The following SPATA20 variants were observed in gnomAD, a reference collection of about 807,000 sequenced individuals.
The protein encoded by SPATA20 is spermatogenesis-associated protein 20.
A neutral mutation model predicts 98.9 loss-of-function variants in SPATA20; 74 were observed. The observed-to-expected ratio is 0.75, with a 90% confidence interval of 0.62 to 0.91. SPATA20 has a LOEUF of 0.91. Ranked by LOEUF, SPATA20 falls within the 40% of genes least tolerant of loss-of-function variation. The pLI is 0.00. For missense variants in SPATA20, 1,016 were observed against 1,069.8 expected (o/e 0.95, Z 0.70); for synonymous variants, 430 against 440.5 (o/e 0.98, Z 0.30).
chr17:50,552,202 G>A (rs776934973), intron 14 of SPATA20, 22 bp downstream of exon 14: 1 of 1,608,570 alleles, frequency 6.2e-7, no homozygotes, highest in Non-Finnish European at 8.5e-7. Context: ...TGCAGGGCTA[G>A]TCTGGGGTCC....
rs2034988622 is a variant in SPATA20, at chr17:50,550,190, A to G, written c.994-18A>G. 1.2e-6 allele frequency: 2 copies of G among 1,612,550 alleles called. No homozygotes were observed. The highest frequency in any genetic ancestry group is 1.7e-6 in the Non-Finnish European group (2 of 1,179,782). Reference sequence around the variant, plus strand: ...GGGGCAGAAGCTGGGACTGGCCTCCAGCTTTGTATCCGCACAGGGCTTTCA... The same window carrying G: ...GGGGCAGAAGCTGGGACTGGCCTCCGGCTTTGTATCCGCACAGGGCTTTCA... On this transcript the variant is annotated intron_variant, in intron 8 of 16. Coordinates refer to ENST00000006658, the MANE Select transcript of SPATA20 (RefSeq NM_022827.4).
At chr17:50,555,017 T>C (rs1369885748) in intron 15 of SPATA20, among the ~76,000 whole-genome samples, 2 of 151,968 alleles carry the variant, frequency 1.3e-5, no homozygotes, top group African/African-American at 2.4e-5. Flanking sequence ...TACCATTGTG[T>C]ATATGTATGA....
rs1359396256 is a variant in SPATA20, at chr17:50,551,112, G to A, written c.1498G>A (p.Gly500Arg). 6.2e-7 allele frequency: 1 copy of A among 1,612,800 alleles called. No individual in the cohort carries two copies. Among genetic ancestry groups the A allele is most frequent in the South Asian group, 1.1e-5 (1 of 91,064 alleles). The change falls in exon 12 of 17, where the codon GGG (glycine) becomes AGG (arginine). Residue 500 changes from glycine to arginine, a missense_variant. By Grantham distance (125) the Gly-to-Arg change is moderately radical (BLOSUM62 -2). Coordinates refer to ENST00000006658, the MANE Select transcript of SPATA20 (RefSeq NM_022827.4). ...GGCCGTGCGGACCTTGCTCAATTCA[G>A]GGCTGGAGAAGCTCTTCCAGGCCCG... ...VEAVRTLLNS[G>R]LEKLFQARKH...
chr17:50,555,782 C>T lies in SPATA20; in HGVS notation c.*120C>T. 1 of 824,290 alleles carries T rather than the reference C, an allele frequency of 1.2e-6. No individual in the cohort carries two copies. 51.1% of individuals were successfully genotyped at this position (824,290 alleles called of 1,614,324 possible). A position where few individuals can be genotyped will look rare whatever the true frequency, so the allele number is the denominator to read the frequency against. On this transcript the variant is annotated 3_prime_UTR_variant, in exon 17 of 17. Transcript: ENST00000006658. ...CCTGAGCACCCTGCCACCAGGTGACCTCGGCCATACTCACTGCCCCCCTTG... is the reference window on the plus strand; with the variant it reads ...CCTGAGCACCCTGCCACCAGGTGACTTCGGCCATACTCACTGCCCCCCTTG...
intron 14 of SPATA20, among the ~76,000 whole-genome samples, chr17:50,552,771 C>T (rs555186512): frequency 1.3e-5 from 2 of 152,078 alleles, no homozygotes; most frequent in African/African-American, 4.8e-5. Context: ...CCAGGCTGGT[C>T]TGAAACTACT....
intron 14 of SPATA20, among the ~76,000 whole-genome samples, chr17:50,553,254 A>G (rs959138175): frequency 6.6e-6 from 1 of 152,186 alleles, no homozygotes; most frequent in African/African-American, 2.4e-5. Context: ...TGGTTCTGGC[A>G]CATTGTAAGT....
At position 50,548,558 on chromosome 17, in the gene SPATA20, C is replaced by G. The variant is rs573597278; in HGVS notation, c.301C>G (p.Pro101Ala). ...GCCCCACCCTGCTGGGTCTAGGTAC[C>G]CCTGGGGACAGGAAGCCTTCGACAA... ...QHAYNPVDWY[P>A]WGQEAFDKAR... The change falls in exon 4 of 17, where the codon CCC (proline) becomes GCC (alanine). Residue 101 changes from proline to alanine, a missense_variant. By Grantham distance (27) the Pro-to-Ala change is conservative. Coordinates refer to ENST00000006658, the MANE Select transcript of SPATA20 (RefSeq NM_022827.4). 6.2e-7 allele frequency: 1 copy of G among 1,613,728 alleles called. No individual in the cohort carries two copies. The highest frequency in any genetic ancestry group is 1.1e-5 in the South Asian group (1 of 91,070).
intron 1 of SPATA20, 67 bp from the exon 2 acceptor site, chr17:50,547,653 T>C (rs2034935526): frequency 1.3e-6 from 1 of 779,464 alleles, no homozygotes; most frequent in South Asian, 1.3e-5. Flanking sequence ...GCATGGACCT[T>C]TCGTTATTTA....
At chr17:50,547,624 G>T (rs1278252833) in intron 1 of SPATA20, 96 bp from the exon 2 acceptor site, 1 of 766,650 alleles carries the variant, frequency 1.3e-6, no homozygotes, top group Admixed American at 1.8e-5. Flanking sequence ...CCTGTGCCCT[G>T]TCACAGTCCT....
At position 50,548,357 on chromosome 17, in the gene SPATA20, G is replaced by A; in HGVS notation, c.200G>A (p.Gly67Glu). ...GTGCCCATGCCTGCTGGAGGGAAAGGAAGCCATCCTTCATCTACACCCCAG... is the reference window on the plus strand; with the variant it reads ...GTGCCCATGCCTGCTGGAGGGAAAGAAAGCCATCCTTCATCTACACCCCAG... ...SSVPMPAGGKGSHPSSTPQRV... is the reference protein window; with the variant it reads ...SSVPMPAGGKESHPSSTPQRV... Residue 67 changes from glycine (G) to glutamate (E), a missense_variant, in exon 3 of 17, where the codon GGA becomes GAA. Gly to Glu is a moderately conservative substitution (Grantham distance 98). Coordinates refer to ENST00000006658, the MANE Select transcript of SPATA20 (RefSeq NM_022827.4). 6.2e-7 allele frequency: 1 copy of A among 1,613,958 alleles called. No individual in the cohort carries two copies. The highest frequency in any genetic ancestry group is 8.5e-7 in the Non-Finnish European group (1 of 1,179,964).
At chr17:50,549,581 C>G in intron 7 of SPATA20, 94 bp downstream of exon 7, 2 of 1,295,954 alleles carry the variant, frequency 1.5e-6, no homozygotes, top group Non-Finnish European at 2.1e-6. Context: ...CCCATAGCTT[C>G]CTGTCCTCCT....
Position 50,550,710 on chromosome 17 carries a change from C to A in SPATA20, c.1176C>A (p.Ser392=). 6.2e-7 allele frequency: 1 copy of A among 1,613,300 alleles called. No homozygotes were observed. The highest frequency in any genetic ancestry group is 1.7e-4 in the Middle Eastern group (1 of 6,060). Residue 392 remains serine, a splice_region_variant and synonymous_variant, in exon 11 of 17, where the codon TCC becomes TCA. Transcript: ENST00000006658. ...QYVARSLSHR[S]GGFYSAEDAD... is the part of the protein sequence containing the mutation. ...AGCCAACTCTCCCCTCCCCACAGTC[C>A]GGAGGCTTCTATAGCGCAGAAGATG... is the stretch of plus-strand genomic sequence containing the variant.
chr17:50,555,673 C>G lies in SPATA20; in HGVS notation c.*11C>G, dbSNP rs761126089. The stretch of plus-strand genomic sequence containing the variant: ...CTACTACATCCATGACTGCCCCAAC[C>G]CCCTTGGGGTGGGGCAGAAGGTGAA... On this transcript the variant is annotated 3_prime_UTR_variant, in exon 17 of 17. Transcript: ENST00000006658. 3 of 1,609,806 alleles carry G rather than the reference C, an allele frequency of 1.9e-6. No homozygotes were observed. In the Admixed American group the frequency reaches 5.1e-5, roughly 27 times the overall value.
rs147637130 is a variant in SPATA20 at position 50,554,372 on chromosome 17, C to T, written c.2079C>T (p.Ser693=). Residue 693 remains serine (S), a synonymous_variant, in exon 15 of 17, where the codon TCC becomes TCT. Coordinates refer to ENST00000006658, the MANE Select transcript of SPATA20 (RefSeq NM_022827.4). ...GTGTGTGCCTATTGACCGCCTTTTCCGAGCGCATGCGTCGTGTCCCGGTGG... is the reference window on the plus strand; with the variant it reads ...GTGTGTGCCTATTGACCGCCTTTTCTGAGCGCATGCGTCGTGTCCCGGTGG... ...DKCVCLLTAF[S]ERMRRVPVAL... 9.0e-4 allele frequency: 1,450 copies of T among 1,614,168 alleles called. 4 individuals carry two copies. Among genetic ancestry groups the T allele is most frequent in the African/African-American group, 4.7e-3 (355 of 75,060 alleles).
intron 3 of SPATA20, 43 bp from the exon 4 acceptor site, chr17:50,548,511 A>T (rs758916458): frequency 1.2e-6 from 2 of 1,612,986 alleles, no homozygotes; most frequent in South Asian, 2.2e-5. Flanking sequence ...CCCCTCCCAG[A>T]CCCCCTGGGC....
chr17:50,547,964 G>A, intron 2 of SPATA20, 197 bp downstream of exon 2: 3 of 1,501,640 alleles, frequency 2.0e-6, no homozygotes, highest in East Asian at 2.5e-5. Flanking sequence ...GGCCTGGGGA[G>A]GGGTAAGAAT....
At chr17:50,554,522 CA>C (rs2035067342) in intron 15 of SPATA20, 72 bp downstream of exon 15, 3 of 1,502,076 alleles carry the variant, frequency 2.0e-6, no homozygotes, top group Middle Eastern at 2.1e-4. Context: ...CAGATGGGAA[CA>C]GGGGGTGGGG....
chr17:50,553,091 T>C (rs916978), intron 14 of SPATA20, among the ~76,000 whole-genome samples: 59,945 of 152,096 alleles, frequency 0.39, 14,846 homozygotes, highest in African/African-American at 0.7. Context: ...AAAATTGTGG[T>C]GAGTGCCATG....
In SPATA20 at chr17:50,548,800, C is replaced by A; in HGVS notation, c.362-10C>A. 1 of 1,609,364 alleles carries A rather than the reference C, an allele frequency of 6.2e-7. No individual in the cohort carries two copies. The highest frequency in any genetic ancestry group is 8.5e-7 in the Non-Finnish European group (1 of 1,177,612). On this transcript the variant is annotated splice_polypyrimidine_tract_variant and intron_variant, in intron 4 of 16. Transcript: ENST00000006658. ...CTGGCCCCCTGACCTCTCCCCATGGCCCTGTTCAGTCGGGTACTCCACCTG... is the reference window on the plus strand; with the variant it reads ...CTGGCCCCCTGACCTCTCCCCATGGACCTGTTCAGTCGGGTACTCCACCTG...
Sources: gnomAD v4.1 joint callset for allele counts (sites outside exome capture counted in the v4.1 genomes callset) on GRCh38, gnomAD v4.1.1 for gene constraint, MANE v1.5 for transcripts, NCBI Gene and HGNC (gene_info 2026-07-23, HGNC 2026-07-21) for gene names.